CRYBG1: variants seen among roughly 807,000 people sequenced by gnomAD.
CRYBG1 encodes crystallin beta-gamma domain containing 1.
Under a neutral mutation model 189.2 loss-of-function variants are expected in CRYBG1, and 139 were observed. That is an observed-to-expected ratio of 0.73 (90% CI 0.64 to 0.85). CRYBG1 has a LOEUF of 0.85. Ranked by LOEUF, CRYBG1 falls within the 40% of genes least tolerant of loss-of-function variation. The pLI, the probability that CRYBG1 is intolerant of heterozygous loss-of-function variation, is 0.00. For synonymous variants in CRYBG1, 1,023 were observed against 1,017.1 expected (o/e 1.01, Z -0.11); for missense variants, 2,611 against 2,675.8 (o/e 0.98, Z 0.53).
chr6:106,551,991 A>AT lies in CRYBG1; in HGVS notation c.5439+18dup. 2 of 1,589,346 alleles carry AT rather than the reference A, an allele frequency of 1.3e-6. No homozygotes were observed. Among genetic ancestry groups the AT allele is most frequent in the Non-Finnish European group, 1.7e-6 (2 of 1,168,780 alleles). On this transcript the variant is annotated intron_variant, in intron 14 of 21. Coordinates refer to ENST00000633556, the MANE Select transcript of CRYBG1 (RefSeq NM_001371242.2). ...ACCTATATGTTTGGTAAGGAGTTAT[A>AT]TTTTTGTATGAGAATATTTAACTGA...
rs1773287716 is a variant in CRYBG1, at chr6:106,512,228, C to CA, written c.1112dup (p.His371GlnfsTer4). 1 of 1,538,392 alleles carries CA rather than the reference C, an allele frequency of 6.5e-7. No homozygotes were observed. Among genetic ancestry groups the CA allele is most frequent in the East Asian group, 2.4e-5 (1 of 41,068 alleles). ...CACAGCCCGCCCCAAGGGTCACGCC[C>CA]ACCCTGCTAAGGTGCTAACTTTGGA... On this transcript the variant is annotated frameshift_variant, in exon 3 of 22. Coordinates refer to ENST00000633556, the MANE Select transcript of CRYBG1 (RefSeq NM_001371242.2). LOFTEE classifies it high-confidence loss of function.
At chr6:106,562,139 C>A (rs1001509888) in intron 20 of CRYBG1, among the ~76,000 whole-genome samples, 11 of 150,734 alleles carry the variant, frequency 7.3e-5, no homozygotes, top group East Asian at 4.0e-4. Flanking sequence ...AAACAAAAAA[C>A]CAAAAAAAAC....
chr6:106,484,370 T>G (rs1450402208), intron 2 of CRYBG1, among the ~76,000 whole-genome samples: 1 of 152,172 alleles, frequency 6.6e-6, no homozygotes, highest in Non-Finnish European at 1.5e-5. Context: ...CATAGCTCCC[T>G]GTAGCCTCAA....
At position 106,543,319 on chromosome 6, in the gene CRYBG1, C is replaced by T. The variant is rs809742; in HGVS notation, c.4882-121C>T. On this transcript the variant is annotated intron_variant, in intron 10 of 21. Transcript: ENST00000633556. ...TGCTGGGATAACAGGCGTGAGCCAC[C>T]GCGCCCAGTCAGAAAATTTTAATTT... 14 of 1,004,192 alleles carry T rather than the reference C, an allele frequency of 1.4e-5. No individual in the cohort carries two copies. In the African/African-American group the frequency reaches 1.6e-4, roughly 12 times the overall value. The allele number at this position is 1,004,192 out of a possible 1,614,324, so 62.2% of individuals were successfully genotyped here.
chr6:106,413,255 GC>G (rs1295820563), intron 1 of CRYBG1, among the ~76,000 whole-genome samples: 1 of 152,174 alleles, frequency 6.6e-6, no homozygotes, highest in Non-Finnish European at 1.5e-5. Flanking sequence ...CCAACCCCTG[GC>G]ACTGGGCACT....
intron 4 of CRYBG1, among the ~76,000 whole-genome samples, chr6:106,522,973 G>A (rs1773644953): frequency 6.6e-6 from 1 of 152,154 alleles, no homozygotes; most frequent in Admixed American, 6.5e-5. Flanking sequence ...TTGTTTGTAT[G>A]GGTTCTGCCT....
intron 1 of CRYBG1, among the ~76,000 whole-genome samples, chr6:106,433,310 A>G (rs1405390636): frequency 6.6e-6 from 1 of 152,174 alleles, no homozygotes; most frequent in Non-Finnish European, 1.5e-5. Flanking sequence ...CAATCTTCAT[A>G]CTGTGCACCT....
chr6:106,519,707 T>C lies in CRYBG1; in HGVS notation c.2499T>C (p.Asp833=). 6.2e-7 allele frequency: 1 copy of C among 1,614,136 alleles called. No homozygotes were observed. The highest frequency in any genetic ancestry group is 8.5e-7 in the Non-Finnish European group (1 of 1,180,022). The change falls in exon 4 of 22, where the codon GAT becomes GAC. Residue 833 remains aspartate, a synonymous_variant. Coordinates refer to ENST00000633556, the MANE Select transcript of CRYBG1 (RefSeq NM_001371242.2). ...GCCTTGTACTTGAAAATGTAACCGA[T>C]ACAGCACAAGACATCCCCACCACTG... ...SKSLVLENVT[D]TAQDIPTTVD...
intron 3 of CRYBG1, among the ~76,000 whole-genome samples, chr6:106,516,268 C>G (rs1435134766): frequency 2.0e-5 from 3 of 151,060 alleles, no homozygotes; most frequent in Non-Finnish European, 2.9e-5. Flanking sequence ...GAGTCTCACT[C>G]TGTCGCCCAG....
intron 2 of CRYBG1, among the ~76,000 whole-genome samples, chr6:106,470,826 G>A (rs1772219060): frequency 6.6e-6 from 1 of 152,124 alleles, no homozygotes; most frequent in African/African-American, 2.4e-5. Context: ...TTAATTACAT[G>A]AGCCCCTGAG....
rs553185552 is a variant in CRYBG1, at chr6:106,405,821, G to T, written c.173+44740G>T. On this transcript the variant is annotated intron_variant, in intron 1 of 21. Coordinates refer to ENST00000633556, the MANE Select transcript of CRYBG1 (RefSeq NM_001371242.2). ...AAGGAAACTTAACAAACAGAAAGGA[G>T]TAGCATCAATGTCATCAAAAAGGAT... 1.4e-3 allele frequency among the ~76,000 whole-genome samples: 215 copies of T among 152,272 alleles called. 2 individuals are homozygous for T. Among genetic ancestry groups the T allele is most frequent in the African/African-American group, 5.0e-3 (206 of 41,566 alleles).
intron 2 of CRYBG1, among the ~76,000 whole-genome samples, chr6:106,499,148 G>GTT (rs1464208340): frequency 4.2e-5 from 1 of 23,750 alleles, no homozygotes; most frequent in African/African-American, 2.5e-4. Flanking sequence ...TTGTTTGTTT[G>GTT]TTTGTTTGTT....
chr6:106,411,760 G>A (rs1260390901), intron 1 of CRYBG1, among the ~76,000 whole-genome samples: 1 of 152,138 alleles, frequency 6.6e-6, no homozygotes, highest in African/African-American at 2.4e-5. Context: ...CAAGAGTGCA[G>A]CCTTCAGTCT....
Position 106,543,606 on chromosome 6 carries a change from A to G in CRYBG1, c.5039+9A>G, listed in dbSNP as rs1351574048. ...AAAGTTCTAAGAGGCATGTAAGTACATGGGTGACTTGTTAGGATTTCTTTT... is the reference window on the plus strand; with the variant it reads ...AAAGTTCTAAGAGGCATGTAAGTACGTGGGTGACTTGTTAGGATTTCTTTT... On this transcript the variant is annotated intron_variant, in intron 11 of 21. Coordinates refer to ENST00000633556, the MANE Select transcript of CRYBG1 (RefSeq NM_001371242.2). 2.5e-6 allele frequency: 4 copies of G among 1,606,284 alleles called. No individual in the cohort carries two copies. Among genetic ancestry groups the G allele is most frequent in the Admixed American group, 1.7e-5 (1 of 57,976 alleles).
chr6:106,420,169 T>C (rs1263254013), intron 1 of CRYBG1, among the ~76,000 whole-genome samples: 1 of 152,226 alleles, frequency 6.6e-6, no homozygotes, highest in Non-Finnish European at 1.5e-5. Flanking sequence ...CAAGTTTATT[T>C]AGCCAAGGTT....
At chr6:106,417,995 A>G (rs891626044) in intron 1 of CRYBG1, among the ~76,000 whole-genome samples, 1 of 152,246 alleles carries the variant, frequency 6.6e-6, no homozygotes, top group African/African-American at 2.4e-5. Context: ...CGGTGAGGGC[A>G]AAAGGTCAGT....
intron 1 of CRYBG1, among the ~76,000 whole-genome samples, chr6:106,445,812 C>T (rs9320165): frequency 0.12 from 18,965 of 152,196 alleles, 1,238 homozygotes; most frequent in Middle Eastern, 0.16. Flanking sequence ...AGAAAAAATA[C>T]AAATTTGAAG....
At chr6:106,426,115 A>G (rs1771220275) in intron 1 of CRYBG1, among the ~76,000 whole-genome samples, 1 of 151,200 alleles carries the variant, frequency 6.6e-6, no homozygotes, top group African/African-American at 2.5e-5. Context: ...AAAACTAAAT[A>G]TATCATATAG....
At chr6:106,493,174 A>G (rs1175723475) in intron 2 of CRYBG1, among the ~76,000 whole-genome samples, 1 of 152,204 alleles carries the variant, frequency 6.6e-6, no homozygotes, top group Non-Finnish European at 1.5e-5. Context: ...AACAGAAACA[A>G]TCTTTAAAAA....
Sources: allele counts gnomAD v4.1 joint callset (sites outside exome capture counted in the v4.1 genomes callset), GRCh38; gene constraint gnomAD v4.1.1; transcripts MANE v1.5; gene names NCBI Gene and HGNC (gene_info 2026-07-23, HGNC 2026-07-21).